Variants in BAG3 observed in about 807,000 individuals in gnomAD.
The protein encoded by BAG3 is BAG family molecular chaperone regulator 3.
BAG3 carries 14 observed loss-of-function variants against 40.5 expected under a neutral mutation model. The ratio of observed to expected loss-of-function variants is 0.35; its 90% CI spans 0.23 to 0.54. The LOEUF is 0.54. BAG3 is among the 20% of genes least tolerant of loss of function. The pLI, the probability that BAG3 is intolerant of heterozygous loss-of-function variation, is 0.91. For synonymous variants in BAG3, 302 were observed against 307.8 expected (o/e 0.98, Z 0.20); for missense variants, 788 against 758.6 (o/e 1.04, Z -0.46).
At chr10:119,657,638 A>C (rs1203111607) in intron 1 of BAG3, 1 of 470,562 alleles carries the variant, frequency 2.1e-6, no homozygotes, top group Non-Finnish European at 4.4e-6. Context: ...AAAGGTCCCC[A>C]GAGGCCTGCT....
chr10:119,675,551 T>A (rs184197092), intron 3 of BAG3, among the ~76,000 whole-genome samples: 305 of 152,180 alleles, frequency 2.0e-3, no homozygotes, highest in South Asian at 4.6e-3. Context: ...GTCACGGTTT[T>A]AAAAAAAGAA....
chr10:119,673,688 C>G lies in BAG3; in HGVS notation c.909+1032C>G, dbSNP rs201965073. On this transcript the variant is annotated intron_variant, in intron 3 of 3. Transcript: ENST00000369085. ...TGGCCAGGGCCCTGGAATAGAGCAC[C>G]CTCATCTTAAAATGTTGTTTTATTT... 1.1e-4 allele frequency among the ~76,000 whole-genome samples: 17 copies of G among 152,254 alleles called. No homozygotes were observed. In the East Asian group the frequency reaches 1.9e-3, roughly 17 times the overall value.
chr10:119,656,798 T>C (rs560654478), intron 1 of BAG3: 1 of 152,244 alleles, frequency 6.6e-6, no homozygotes, highest in South Asian at 2.1e-4. Context: ...CACATATATA[T>C]ATATATGTGC....
rs1846837591 is a variant in BAG3, at chr10:119,651,489, T to A, written c.-187T>A. ...CCTTCCCCTCTGGCAGCGAGGAGGC[T>A]ATTTCCAGACACTTCCACCCCTCTC... On this transcript the variant is annotated 5_prime_UTR_variant, in exon 1 of 4. Transcript: ENST00000369085. The A allele has an allele frequency of 4.3e-6, 2 of 470,434 alleles. No homozygotes were observed. The highest frequency in any genetic ancestry group is 4.5e-5 in the Admixed American group (1 of 22,136). The allele number at this position is 470,434 out of a possible 1,614,324, so 29.1% of individuals were successfully genotyped here.
chr10:119,661,401 T>C (rs1846990472), intron 1 of BAG3, among the ~76,000 whole-genome samples: 1 of 152,168 alleles, frequency 6.6e-6, no homozygotes, highest in Non-Finnish European at 1.5e-5. Context: ...TGGGGATCTT[T>C]ACAGCTGCGG....
intron 1 of BAG3, among the ~76,000 whole-genome samples, chr10:119,654,884 A>G (rs561140545): frequency 3.3e-5 from 5 of 152,322 alleles, no homozygotes; most frequent in African/African-American, 9.6e-5. Flanking sequence ...CTCTAGCTCC[A>G]TGGATCTTGG....
chr10:119,672,803 G>C lies in BAG3; in HGVS notation c.909+147G>C. 1 of 1,209,848 alleles carries C rather than the reference G, an allele frequency of 8.3e-7. No homozygotes were observed. Among genetic ancestry groups the C allele is most frequent in the Admixed American group, 2.0e-5 (1 of 49,982 alleles). The allele number at this position is 1,209,848 out of a possible 1,614,324, so 74.9% of individuals were successfully genotyped here. On this transcript the variant is annotated intron_variant, in intron 3 of 3. Transcript: ENST00000369085. This position sits in a 1 kb window ranked among gnomAD's most constrained non-coding sequence, Gnocchi z 4.8. Reference sequence around the variant, plus strand: ...GCAAGTGAGATTCGAGAAATTGCTAGGTATTAACAGAAATGCAGGACAGTT... The same window carrying C: ...GCAAGTGAGATTCGAGAAATTGCTACGTATTAACAGAAATGCAGGACAGTT...
intron 3 of BAG3, among the ~76,000 whole-genome samples, chr10:119,676,039 C>T (rs1194172006): frequency 6.8e-6 from 1 of 146,734 alleles, no homozygotes; most frequent in African/African-American, 2.5e-5. Context: ...GATTCTTCCG[C>T]CTCAGCCTTC....
chr10:119,655,827 G>A (rs1846902146), intron 1 of BAG3, among the ~76,000 whole-genome samples: 1 of 152,054 alleles, frequency 6.6e-6, no homozygotes, highest in African/African-American at 2.4e-5. Flanking sequence ...AACATCATTT[G>A]TCCCGTTTTG....
At chr10:119,671,985 C>T (rs1044494322) in intron 2 of BAG3, among the ~76,000 whole-genome samples, 44 of 152,312 alleles carry the variant, frequency 2.9e-4, no homozygotes, top group African/African-American at 9.9e-4. Context: ...GATGGGGTTT[C>T]ACCATGTTGG....
chr10:119,668,454 G>A (rs1220591545), intron 1 of BAG3, among the ~76,000 whole-genome samples: 1 of 152,236 alleles, frequency 6.6e-6, no homozygotes, highest in Admixed American at 6.5e-5. Context: ...CGTCAGGAAA[G>A]ATCACTCCCC....
At position 119,651,594 on chromosome 10, in the gene BAG3, C is replaced by T; in HGVS notation, c.-82C>T. ...GACACGTCGGCGGCGGAGAGGGGCC[C>T]ACGGCGGCGGCCCGGCCAGAGACTC... On this transcript the variant is annotated 5_prime_UTR_variant, in exon 1 of 4. Transcript: ENST00000369085. 2 of 1,294,840 alleles carry T rather than the reference C, an allele frequency of 1.5e-6. No individual in the cohort carries two copies. The highest frequency in any genetic ancestry group is 1.0e-6 in the Non-Finnish European group (1 of 1,003,700). 80.2% of individuals were successfully genotyped at this position (1,294,840 alleles called of 1,614,324 possible).
At position 119,672,398 on chromosome 10, in the gene BAG3, C is replaced by T. The variant is rs371353268; in HGVS notation, c.651C>T (p.Thr217=). Residue 217 remains threonine, a synonymous_variant, in exon 3 of 4, where the codon ACC becomes ACT. Transcript: ENST00000369085. The surrounding 1 kb of genome is among the most constrained non-coding windows in gnomAD (Gnocchi z 4.8). ...SIPVIHEQNV[T]RPAAQPSFHQ... ...CGGTGATACACGAGCAGAACGTTAC[C>T]CGGCCAGCAGCCCAGCCCTCCTTCC... 10 of 1,614,190 alleles carry T rather than the reference C, an allele frequency of 6.2e-6. No homozygotes were observed. In the African/African-American group the frequency reaches 6.7e-5, roughly 11 times the overall value.
At chr10:119,673,785 C>G (rs1847183743) in intron 3 of BAG3, among the ~76,000 whole-genome samples, 1 of 152,250 alleles carries the variant, frequency 6.6e-6, no homozygotes, top group South Asian at 2.1e-4. Context: ...ATCCAGTTCA[C>G]TGTTTGTCAA....
Position 119,651,831 on chromosome 10 carries a change from G to T in BAG3, c.156G>T (p.Pro52=), listed in dbSNP as rs1343121998. The T allele has an allele frequency of 6.3e-7, 1 of 1,588,542 alleles. No homozygotes were observed. Residue 52 remains proline, a synonymous_variant, in exon 1 of 4, where the codon CCG becomes CCT. Coordinates refer to ENST00000369085, the MANE Select transcript of BAG3 (RefSeq NM_004281.4). ...GCCGCACCACTACGTGGAACGACCCGCGCGTGCCCTCTGAGGGCCCCAAGG... is the reference window on the plus strand; with the variant it reads ...GCCGCACCACTACGTGGAACGACCCTCGCGTGCCCTCTGAGGGCCCCAAGG... The part of the protein sequence containing the change: ...HNSRTTTWND[P]RVPSEGPKET...
At chr10:119,655,992 GCTGTC>G (rs1305162053) in intron 1 of BAG3, among the ~76,000 whole-genome samples, 2 of 152,052 alleles carry the variant, frequency 1.3e-5, no homozygotes, top group African/African-American at 4.8e-5. Context: ...CTTGCTTAGT[GCTGTC>G]CTCGTTTCTG....
At chr10:119,675,338 A>G (rs766567074) in intron 3 of BAG3, among the ~76,000 whole-genome samples, 4 of 152,186 alleles carry the variant, frequency 2.6e-5, no homozygotes, top group Non-Finnish European at 5.9e-5. Flanking sequence ...GTCCCCCACA[A>G]AAATCTATAT....
Position 119,651,666 on chromosome 10 carries a change from C to G in BAG3, c.-10C>G, listed in dbSNP as rs1388439423. On this transcript the variant is annotated 5_prime_UTR_variant, in exon 1 of 4. Coordinates refer to ENST00000369085, the MANE Select transcript of BAG3 (RefSeq NM_004281.4). Reference sequence around the variant, plus strand: ...GCACCCGCGCCCCAGCGGGCAGACCCCAACCCAGCATGAGCGCCGCCACCC... The same window carrying G: ...GCACCCGCGCCCCAGCGGGCAGACCGCAACCCAGCATGAGCGCCGCCACCC... 2 of 1,571,900 alleles carry G rather than the reference C, an allele frequency of 1.3e-6. No homozygotes were observed. Among genetic ancestry groups the G allele is most frequent in the South Asian group, 2.3e-5 (2 of 87,140 alleles).
chr10:119,673,174 T>G (rs1847176936), intron 3 of BAG3, among the ~76,000 whole-genome samples: 1 of 152,226 alleles, frequency 6.6e-6, no homozygotes, highest in Non-Finnish European at 1.5e-5. Context: ...CGAGCCAGTC[T>G]TGTCTCCTCC....
Sources: allele counts gnomAD v4.1 joint callset (sites outside exome capture counted in the v4.1 genomes callset), GRCh38; gene constraint gnomAD v4.1.1; non-coding constraint Gnocchi (gnomAD v3.1); transcripts MANE v1.5; gene names NCBI Gene and HGNC (gene_info 2026-07-23, HGNC 2026-07-21).